Variants in XYLT1 observed in about 807,000 individuals in gnomAD.
The protein encoded by XYLT1 is xylosyltransferase 1.
A neutral mutation model predicts 91.3 loss-of-function variants in XYLT1; 36 were observed. The observed-to-expected ratio is 0.39, with a 90% CI of 0.30 to 0.52. The LOEUF (loss-of-function observed/expected upper bound fraction) is 0.52, where lower values mean the gene tolerates loss of function less well. Ranked by LOEUF, XYLT1 falls within the 20% of genes least tolerant of loss-of-function variation. The pLI, the probability that XYLT1 is intolerant of heterozygous loss-of-function variation, is 0.68. For synonymous variants in XYLT1, 588 were observed against 532.0 expected (o/e 1.11, Z -1.45); for missense variants, 1,242 against 1,284.5 (o/e 0.97, Z 0.51).
chr16:17,427,864 T>A (rs911722586), intron 1 of XYLT1, among the ~76,000 whole-genome samples: 48 of 152,028 alleles, frequency 3.2e-4, no homozygotes, highest in Middle Eastern at 3.4e-3. Flanking sequence ...GTCTACCACC[T>A]CAAATCATCT....
At chr16:17,457,710 G>A (rs2036763145) in intron 1 of XYLT1, among the ~76,000 whole-genome samples, 1 of 152,164 alleles carries the variant, frequency 6.6e-6, no homozygotes, top group Admixed American at 6.5e-5. Flanking sequence ...CAAGCAAACG[G>A]GGTTCTCAGT....
At chr16:17,183,515 C>A (rs72777735) in intron 5 of XYLT1, among the ~76,000 whole-genome samples, 15,298 of 152,222 alleles carry the variant, frequency 0.1, 855 homozygotes, top group African/African-American at 0.13. Context: ...CTGGCTCCAA[C>A]CCCCACCAGT....
At chr16:17,221,819 C>T (rs529255409) in intron 3 of XYLT1, among the ~76,000 whole-genome samples, 52 of 152,272 alleles carry the variant, frequency 3.4e-4, no homozygotes, top group African/African-American at 1.3e-3. Context: ...ACATAGAGCA[C>T]TAAAATCCAG....
intron 3 of XYLT1, chr16:17,227,618 T>C (rs9941077): frequency 0.12 from 19,031 of 152,286 alleles, 2,523 homozygotes; most frequent in African/African-American, 0.34. Flanking sequence ...CAAGCTGCAA[T>C]GTATTTCCTT....
intron 5 of XYLT1, among the ~76,000 whole-genome samples, chr16:17,175,682 T>C (rs2031927152): frequency 6.6e-6 from 1 of 152,192 alleles, no homozygotes; most frequent in Non-Finnish European, 1.5e-5. Context: ...ATCAAGTGAC[T>C]TCATGGGATC....
chr16:17,456,488 A>ACCATG (rs2036744963), intron 1 of XYLT1, among the ~76,000 whole-genome samples: 1 of 151,754 alleles, frequency 6.6e-6, no homozygotes, highest in African/African-American at 2.4e-5. Flanking sequence ...CAGGCATGCT[A>ACCATG]CCATGCCCAG....
At chr16:17,282,206 A>C (rs1246956941) in intron 2 of XYLT1, among the ~76,000 whole-genome samples, 1 of 152,158 alleles carries the variant, frequency 6.6e-6, no homozygotes, top group Non-Finnish European at 1.5e-5. Flanking sequence ...TCCTATTTCT[A>C]AAATGGAGAA....
At chr16:17,195,505 G>C (rs1268857027) in intron 5 of XYLT1, among the ~76,000 whole-genome samples, 2 of 151,944 alleles carry the variant, frequency 1.3e-5, no homozygotes, top group Non-Finnish European at 2.9e-5. Flanking sequence ...GAGTACAGTG[G>C]CGCGATATCG....
intron 10 of XYLT1, among the ~76,000 whole-genome samples, chr16:17,119,694 ATTATCT>A (rs1242363847): frequency 6.6e-6 from 1 of 152,184 alleles, no homozygotes; most frequent in East Asian, 1.9e-4. Flanking sequence ...GACCCTTGTC[ATTATCT>A]TTACTTTACA....
At chr16:17,154,017 T>A (rs2031346421) in intron 6 of XYLT1, among the ~76,000 whole-genome samples, 1 of 152,034 alleles carries the variant, frequency 6.6e-6, no homozygotes, top group Non-Finnish European at 1.5e-5. Flanking sequence ...TTGAGTAAGG[T>A]AAAGCGACTC....
At chr16:17,421,756 A>T (rs1299935622) in intron 1 of XYLT1, among the ~76,000 whole-genome samples, 1 of 152,234 alleles carries the variant, frequency 6.6e-6, no homozygotes, top group African/African-American at 2.4e-5. Context: ...TAAGGTCCTG[A>T]TCCACAAAAT....
At chr16:17,347,643 C>CCAATGGAAGACCCTCTCCTT (rs1041824649) in intron 2 of XYLT1, among the ~76,000 whole-genome samples, 15 of 152,238 alleles carry the variant, frequency 9.9e-5, no homozygotes, top group South Asian at 2.1e-4. Context: ...GACCTCTCCT[C>CCAATGGAAGACCCTCTCCTT]CACTGGAAGA....
intron 1 of XYLT1, among the ~76,000 whole-genome samples, chr16:17,400,621 G>GAGGGAGGGAGGGAGGA (rs2035952401): frequency 8.6e-6 from 1 of 116,716 alleles, no homozygotes; most frequent in Non-Finnish European, 1.8e-5. Context: ...GGGAGGGAGG[G>GAGGGAGGGAGGGAGGA]AGGAAGGGAG....
chr16:17,413,557 T>C (rs1348045517), intron 1 of XYLT1, among the ~76,000 whole-genome samples: 1 of 151,872 alleles, frequency 6.6e-6, no homozygotes, highest in Admixed American at 6.6e-5. Flanking sequence ...TCAACCTCAG[T>C]GTTCGGAGTA....
intron 1 of XYLT1, among the ~76,000 whole-genome samples, chr16:17,411,044 C>T (rs1197441384): frequency 2.6e-5 from 4 of 152,308 alleles, no homozygotes; most frequent in South Asian, 2.1e-4. Context: ...AGTAAAGAAC[C>T]GGGGCCCTCG....
intron 2 of XYLT1, among the ~76,000 whole-genome samples, chr16:17,351,004 G>C (rs1441157809): frequency 1.3e-5 from 2 of 152,146 alleles, no homozygotes; most frequent in African/African-American, 4.8e-5. Context: ...CAGCCAAGTA[G>C]CTGGATTAAG....
At chr16:17,467,149 T>C (rs559883708) in intron 1 of XYLT1, among the ~76,000 whole-genome samples, 1 of 152,308 alleles carries the variant, frequency 6.6e-6, no homozygotes, top group South Asian at 2.1e-4. Context: ...TTTGTGTGCT[T>C]ATGTAGGGCG....
intron 6 of XYLT1, among the ~76,000 whole-genome samples, chr16:17,143,520 T>C (rs2031042763): frequency 6.6e-6 from 1 of 152,062 alleles, no homozygotes; most frequent in Non-Finnish European, 1.5e-5. Flanking sequence ...TGAATAACTC[T>C]ATTGTATGAA....
chr16:17,422,475 A>G (rs1254981340), intron 1 of XYLT1, among the ~76,000 whole-genome samples: 2 of 151,960 alleles, frequency 1.3e-5, no homozygotes, highest in South Asian at 4.1e-4. Flanking sequence ...CTAGGATTAC[A>G]GGTATGCACC....
Sources: gnomAD v4.1 joint callset for allele counts (sites outside exome capture counted in the v4.1 genomes callset) on GRCh38, gnomAD v4.1.1 for gene constraint, MANE v1.5 for transcripts, NCBI Gene and HGNC (gene_info 2026-07-23, HGNC 2026-07-21) for gene names.